Variants in ZBTB46 observed in about 807,000 individuals in gnomAD.
ZBTB46 encodes zinc finger and BTB domain containing 46, also known as zinc finger and BTB domain-containing protein 46.
In ZBTB46, 8 loss-of-function variants were observed where a neutral mutation model predicts 44.1. The ratio of observed to expected loss-of-function variants is 0.18; its 90% CI spans 0.11 to 0.33. The LOEUF (loss-of-function observed/expected upper bound fraction) is 0.33, where lower values mean the gene tolerates loss of function less well. ZBTB46 is among the 10% of genes least tolerant of loss of function. ZBTB46 has a pLI of 1.00. For missense variants in ZBTB46, 651 were observed against 847.7 expected, an observed-to-expected ratio of 0.77 and a Z score of 2.88; for synonymous variants, 409 against 382.3, an observed-to-expected ratio of 1.07 and a Z score of -0.81.
Position 63,790,199 on chromosome 20 carries a change from C to A in ZBTB46, c.559G>T (p.Ala187Ser). 2 of 1,613,148 alleles carry A rather than the reference C, an allele frequency of 1.2e-6. No homozygotes were observed. The highest frequency in any genetic ancestry group is 1.7e-6 in the Non-Finnish European group (2 of 1,179,764). The change falls in exon 2 of 5, where the codon GCC (alanine) becomes TCC (serine). Residue 187 changes from alanine (A) to serine (S), a missense_variant. Ala to Ser is a moderately conservative substitution (Grantham distance 99, BLOSUM62 1). Around this residue, in one of 5 missense-constraint regions of ZBTB46, gnomAD observed 385 missense variants for 423.3 expected, o/e 0.91. Transcript: ENST00000245663. Reference protein sequence around the residue: ...PANSSGDSAIASCHDGGSSYG... With the variant: ...PANSSGDSAISSCHDGGSSYG... The stretch of plus-strand genomic sequence containing the variant: ...CTGCTCCCTCCGTCGTGACAGCTGG[C>A]GATGGCCGAGTCTCCGGAAGAATTG...
At chr20:63,827,117 T>C (rs917964593) in intron 1 of ZBTB46, among the ~76,000 whole-genome samples, 2 of 152,136 alleles carry the variant, frequency 1.3e-5, no homozygotes, top group Non-Finnish European at 2.9e-5. Flanking sequence ...CCTTGGGCCG[T>C]TTCTTGCCAG....
intron 1 of ZBTB46, among the ~76,000 whole-genome samples, chr20:63,807,227 T>C (rs542035200): frequency 5.3e-5 from 8 of 152,368 alleles, no homozygotes; most frequent in East Asian, 1.9e-4. Context: ...TTTATTGAAA[T>C]TGACTTTTCT....
intron 1 of ZBTB46, among the ~76,000 whole-genome samples, chr20:63,830,296 C>CA (rs1469543939): frequency 6.6e-6 from 1 of 152,166 alleles, no homozygotes; most frequent in Non-Finnish European, 1.5e-5. Flanking sequence ...ATTGAGTTGT[C>CA]AGACACCGGC....
intron 1 of ZBTB46, among the ~76,000 whole-genome samples, chr20:63,794,762 G>T (rs564070292): frequency 6.6e-6 from 1 of 152,316 alleles, no homozygotes; most frequent in Non-Finnish European, 1.5e-5. Flanking sequence ...CGTATTCTGT[G>T]TGGGAAGCAC....
intron 1 of ZBTB46, among the ~76,000 whole-genome samples, chr20:63,820,397 C>G (rs1444198086): frequency 6.6e-6 from 1 of 150,400 alleles, no homozygotes; most frequent in African/African-American, 2.4e-5. Flanking sequence ...CCGCGCCTGG[C>G]CAATGTAAAC....
At chr20:63,792,062 G>A (rs2092565398) in intron 1 of ZBTB46, among the ~76,000 whole-genome samples, 1 of 152,210 alleles carries the variant, frequency 6.6e-6, no homozygotes, top group Non-Finnish European at 1.5e-5. Flanking sequence ...GTGCACGTCT[G>A]TGTCCAAATG....
In ZBTB46 at chr20:63,791,483, G is replaced by A. The variant is rs867956851; in HGVS notation, c.-33-693C>T. 9.3e-5 allele frequency among the ~76,000 whole-genome samples: 11 copies of A among 117,908 alleles called. No individual in the cohort carries two copies. The Middle Eastern group carries it at 0.043, about 462-fold the overall frequency. 77.4% of individuals were successfully genotyped at this position (117,908 alleles called of 152,430 possible). On this transcript the variant is annotated intron_variant, in intron 1 of 4. Transcript: ENST00000245663. ...TGCACTCCAGCCTGGGCGACAGGGCGAGACTCCATCTCAAAAAAAAAAAAA... is the reference window on the plus strand; with the variant it reads ...TGCACTCCAGCCTGGGCGACAGGGCAAGACTCCATCTCAAAAAAAAAAAAA...
In ZBTB46 at chr20:63,771,308, C is replaced by T. The variant is rs2092369506; in HGVS notation, c.1222+4370G>A. Among the ~76,000 whole-genome samples the T allele has an allele frequency of 2.6e-5, 4 of 151,936 alleles. No individual in the cohort carries two copies. The South Asian group carries it at 8.3e-4, about 32-fold the overall frequency. ...TACGCCACAAGCTGCAATGAGCTGC[C>T]CCCACTCTCCGGCCCCCACAGTCAC... On this transcript the variant is annotated intron_variant, in intron 3 of 4. Transcript: ENST00000245663.
chr20:63,770,362 G>A (rs1466674875), intron 3 of ZBTB46, among the ~76,000 whole-genome samples: 2 of 112,022 alleles, frequency 1.8e-5, no homozygotes, highest in African/African-American at 5.4e-5. Flanking sequence ...CAGAGAGGAG[G>A]CCCGCCTACT....
chr20:63,802,596 G>C (rs1222052200), intron 1 of ZBTB46, among the ~76,000 whole-genome samples: 1 of 150,894 alleles, frequency 6.6e-6, no homozygotes, highest in Non-Finnish European at 1.5e-5. Flanking sequence ...GCGGCGGGCC[G>C]ACAACCGAAC....
chr20:63,758,668 A>AC (rs1230776385), intron 3 of ZBTB46, among the ~76,000 whole-genome samples: 1 of 150,738 alleles, frequency 6.6e-6, no homozygotes, highest in Non-Finnish European at 1.5e-5. Flanking sequence ...GCACTCACAC[A>AC]CCCCTCTGCT....
At chr20:63,817,746 G>C (rs1191606957) in intron 1 of ZBTB46, among the ~76,000 whole-genome samples, 2 of 151,272 alleles carry the variant, frequency 1.3e-5, no homozygotes, top group Non-Finnish European at 3.0e-5. Flanking sequence ...GAAGAAGAAA[G>C]AAGAGGAAAA....
chr20:63,763,662 A>C (rs566328329), intron 3 of ZBTB46, among the ~76,000 whole-genome samples: 97 of 152,324 alleles, frequency 6.4e-4, no homozygotes, highest in African/African-American at 2.3e-3. Context: ...AGTATTGCGG[A>C]TCACAGTTCA....
At chr20:63,819,645 A>G (rs4809363) in intron 1 of ZBTB46, among the ~76,000 whole-genome samples, 28,027 of 152,142 alleles carry the variant, frequency 0.18, 3,184 homozygotes, top group East Asian at 0.46. Context: ...GGATTAAAAC[A>G]ACCACTTCTC....
Position 63,752,165 on chromosome 20 carries a change from C to T in ZBTB46, c.1398+521G>A, listed in dbSNP as rs902661948. Among the ~76,000 whole-genome samples the T allele has an allele frequency of 6.6e-6, 1 of 152,204 alleles. No homozygotes were observed. Among genetic ancestry groups the T allele is most frequent in the Non-Finnish European group, 1.5e-5 (1 of 68,048 alleles). ...TGATCTCACCCACTTGAGATGCCCT[C>T]GCCAGGCCTTTTTTGGCAAATCTGC... On this transcript the variant is annotated intron_variant, in intron 4 of 4. Transcript: ENST00000245663. The surrounding 1 kb of genome is among the most constrained non-coding windows in gnomAD (Gnocchi z 5.6).
intron 3 of ZBTB46, among the ~76,000 whole-genome samples, chr20:63,774,834 G>A (rs1423811202): frequency 6.6e-6 from 1 of 150,580 alleles, no homozygotes; most frequent in Admixed American, 6.6e-5. Context: ...CTCCCGAGTA[G>A]CTGGGACTAC....
At chr20:63,772,817 A>G (rs761977139) in intron 3 of ZBTB46, among the ~76,000 whole-genome samples, 39 of 152,178 alleles carry the variant, frequency 2.6e-4, no homozygotes, top group Non-Finnish European at 4.1e-4. Flanking sequence ...GGACACACTC[A>G]GGATGCAGAG....
intron 3 of ZBTB46, among the ~76,000 whole-genome samples, chr20:63,770,760 AC>A: frequency 6.6e-6 from 1 of 152,140 alleles, no homozygotes; most frequent in East Asian, 1.9e-4. Context: ...TGGGATCCCC[AC>A]CCGGCACCCC....
Position 63,746,786 on chromosome 20 carries a change from T to C in ZBTB46, c.*144A>G, listed in dbSNP as rs2092093702. On this transcript the variant is annotated 3_prime_UTR_variant, in exon 5 of 5. Transcript: ENST00000245663. Reference sequence around the variant, plus strand: ...GCACCTGCTTAGCCCGCAGGGCTGGTTTCCGTGGGGGGTGGGTTCAGGGGG... The same window carrying C: ...GCACCTGCTTAGCCCGCAGGGCTGGCTTCCGTGGGGGGTGGGTTCAGGGGG... 1.5e-6 allele frequency: 2 copies of C among 1,315,096 alleles called. No homozygotes were observed. The allele number at this position is 1,315,096 out of a possible 1,614,324, so 81.5% of individuals were successfully genotyped here.
Sources: gnomAD v4.1 joint callset for allele counts (sites outside exome capture counted in the v4.1 genomes callset) on GRCh38, gnomAD v4.1.1 for gene constraint, gnomAD v4.1.1 regional missense constraint, Gnocchi (gnomAD v3.1) non-coding constraint, MANE v1.5 for transcripts, NCBI Gene and HGNC (gene_info 2026-07-23, HGNC 2026-07-21) for gene names.